CNTLN: variants seen among roughly 807,000 people sequenced by gnomAD.
The protein encoded by CNTLN is centlein, centrosomal protein.
CNTLN carries 212 observed loss-of-function variants against 180.0 expected under a neutral mutation model. The ratio of observed to expected loss-of-function variants is 1.18; its 90% CI spans 1.05 to 1.32. The LOEUF is 1.32. Ranked by LOEUF, CNTLN falls within the 40% of genes most tolerant of loss-of-function variation. The pLI, the probability that CNTLN is intolerant of heterozygous loss-of-function variation, is 0.00. For missense variants in CNTLN, 2,095 were observed against 1,610.9 expected (o/e 1.30, Z -5.14); for synonymous variants, 722 against 563.1 (o/e 1.28, Z -3.99).
intron 6 of CNTLN, among the ~76,000 whole-genome samples, chr9:17,290,320 C>T (rs527780479): frequency 1.8e-3 from 270 of 151,454 alleles, no homozygotes; most frequent in Middle Eastern, 0.01. Context: ...TTAGGCTGCT[C>T]GGGGGTCAGG....
intron 7 of CNTLN, chr9:17,299,397 TAC>T (rs1818191605): frequency 1.1e-6 from 1 of 931,898 alleles, no homozygotes; most frequent in Non-Finnish European, 1.3e-6. Flanking sequence ...GGTTAAATAA[TAC>T]ACAGTTCATA....
chr9:17,522,271 A>G, the CNTLN span, among the ~76,000 whole-genome samples: 28 of 152,252 alleles, frequency 1.8e-4, no homozygotes, highest in African/African-American at 6.5e-4. Flanking sequence ...TAGGTGCGTA[A>G]TGGGATGACT....
rs184486494 is a variant in CNTLN, at chr9:17,145,357, C to T, written c.449+1981C>T. On this transcript the variant is annotated intron_variant, in intron 2 of 25. Transcript: ENST00000380647. ...AATTTTATGACTATGTAAATACTTC[C>T]TAGAGAACCATGTAGTATGTTCACA... 5.5e-3 allele frequency among the ~76,000 whole-genome samples: 834 copies of T among 152,164 alleles called. 6 individuals are homozygous for T. The highest frequency in any genetic ancestry group is 8.0e-3 in the Admixed American group (123 of 15,294).
chr9:17,331,066 C>T (rs931098561), intron 9 of CNTLN, among the ~76,000 whole-genome samples: 6 of 151,822 alleles, frequency 4.0e-5, no homozygotes, highest in Admixed American at 2.0e-4. Context: ...AATTAACATT[C>T]TTATATTAAA....
chr9:17,158,672 G>C (rs1344366395), intron 2 of CNTLN, among the ~76,000 whole-genome samples: 1 of 151,930 alleles, frequency 6.6e-6, no homozygotes, highest in Non-Finnish European at 1.5e-5. Context: ...GTTGTTCATA[G>C]TATTCCTTAC....
chr9:17,298,383 A>C (rs1818102640), intron 7 of CNTLN, 31 bp downstream of exon 7: 1 of 1,547,876 alleles, frequency 6.5e-7, no homozygotes, highest in South Asian at 1.3e-5. Context: ...AAAGATGTAA[A>C]TGTTTATGTA....
chr9:17,228,543 C>T (rs933640413), intron 3 of CNTLN, among the ~76,000 whole-genome samples: 6 of 151,948 alleles, frequency 3.9e-5, no homozygotes, highest in Admixed American at 6.6e-5. Context: ...TTGCCTTTAA[C>T]GCTTTTTAAA....
chr9:17,273,825 G>A lies in CNTLN; in HGVS notation c.942G>A (p.Gln314=), dbSNP rs1191529332. The change falls in exon 6 of 26, where the codon CAG becomes CAA. Residue 314 remains glutamine, a synonymous_variant. Coordinates refer to ENST00000380647, the MANE Select transcript of CNTLN (RefSeq NM_017738.4). Reference sequence around the variant, plus strand: ...TATCATTACAGTTGAGTAATAAACAGACTGAACTTATCCAGAAGGATATGG... The same window carrying A: ...TATCATTACAGTTGAGTAATAAACAAACTGAACTTATCCAGAAGGATATGG... ...NALSLQLSNK[Q]TELIQKDMDI... 5 of 1,573,092 alleles carry A rather than the reference G, an allele frequency of 3.2e-6. No individual in the cohort carries two copies. The East Asian group carries it at 9.4e-5, about 30-fold the overall frequency.
At chr9:17,268,957 A>C (rs995098913) in intron 5 of CNTLN, among the ~76,000 whole-genome samples, 1 of 152,008 alleles carries the variant, frequency 6.6e-6, no homozygotes, top group Admixed American at 6.6e-5. Context: ...TTTGACTAGG[A>C]AAGGGAACTC....
At chr9:17,229,213 ATGT>A (rs1035427055) in intron 3 of CNTLN, among the ~76,000 whole-genome samples, 1 of 152,078 alleles carries the variant, frequency 6.6e-6, no homozygotes, top group Admixed American at 6.6e-5. Context: ...AAGAAGCAAA[ATGT>A]TGTCATTGTC....
intron 18 of CNTLN, among the ~76,000 whole-genome samples, chr9:17,422,186 T>C (rs971965738): frequency 1.3e-5 from 2 of 152,306 alleles, no homozygotes; most frequent in African/African-American, 4.8e-5. Flanking sequence ...AACGTTCTTT[T>C]CTTTAGCACT....
intron 18 of CNTLN, among the ~76,000 whole-genome samples, chr9:17,436,316 A>G (rs955398238): frequency 2.6e-5 from 4 of 152,242 alleles, no homozygotes; most frequent in Admixed American, 2.0e-4. Flanking sequence ...GTTTTGCTGC[A>G]GAAACTTTTT....
intron 8 of CNTLN, among the ~76,000 whole-genome samples, chr9:17,317,780 G>A (rs1819627232): frequency 6.6e-6 from 1 of 152,154 alleles, no homozygotes; most frequent in Non-Finnish European, 1.5e-5. Context: ...TGAAGCAGGA[G>A]CTTGCCTAGT....
At chr9:17,233,029 C>T (rs1824908995) in intron 3 of CNTLN, among the ~76,000 whole-genome samples, 1 of 151,926 alleles carries the variant, frequency 6.6e-6, no homozygotes, top group South Asian at 2.1e-4. Flanking sequence ...TTTGTACTTA[C>T]TGGATTTAAA....
Position 17,457,651 on chromosome 9 carries a change from T to C in CNTLN, c.3242T>C (p.Val1081Ala). The change falls in exon 19 of 26, where the codon GTT (valine) becomes GCT (alanine). Residue 1081 changes from valine (V) to alanine (A), a missense_variant. Transcript: ENST00000380647. ...CAGGTAACATTTCCACGGATACAAG[T>C]TACATCACTTAGTCCTTCAAGGAGC... Reference protein sequence around the residue: ...NSQVTFPRIQVTSLSPSRSMD... With the variant: ...NSQVTFPRIQATSLSPSRSMD... 6.5e-7 allele frequency: 1 copy of C among 1,545,350 alleles called. No homozygotes were observed. Among genetic ancestry groups the C allele is most frequent in the Admixed American group, 1.8e-5 (1 of 54,952 alleles).
chr9:17,235,312 T>A (rs892645310), intron 3 of CNTLN, among the ~76,000 whole-genome samples: 7 of 152,178 alleles, frequency 4.6e-5, no homozygotes, highest in Admixed American at 1.3e-4. Context: ...AATAAAAGAA[T>A]AAGGAATTAT....
chr9:17,330,234 G>A (rs1453074250), intron 8 of CNTLN, among the ~76,000 whole-genome samples: 1 of 151,930 alleles, frequency 6.6e-6, no homozygotes, highest in African/African-American at 2.4e-5. Context: ...CCTTTTCCCA[G>A]GTTTATATTC....
intron 2 of CNTLN, among the ~76,000 whole-genome samples, chr9:17,218,188 A>T (rs947823970): frequency 7.9e-5 from 12 of 152,210 alleles, no homozygotes; most frequent in Non-Finnish European, 1.2e-4. Context: ...TAAATATAAT[A>T]GTTCTAAATT....
At position 17,439,226 on chromosome 9, in the gene CNTLN, TA is replaced by T. The variant is rs1564107180; in HGVS notation, c.3115-18293del. ...TATCAGTACTTTTAAGTAATGCTGA[TA>T]AAAAGTCATTAAAGATATACATTAT... On this transcript the variant is annotated intron_variant, in intron 18 of 25. Coordinates refer to ENST00000380647, the MANE Select transcript of CNTLN (RefSeq NM_017738.4). Among the ~76,000 whole-genome samples, 8 of 152,236 alleles carry T rather than the reference TA, an allele frequency of 5.3e-5. No homozygotes were observed. In the South Asian group the frequency reaches 1.7e-3, roughly 32 times the overall value.
Sources: gnomAD v4.1 joint callset for allele counts (sites outside exome capture counted in the v4.1 genomes callset) on GRCh38, gnomAD v4.1.1 for gene constraint, MANE v1.5 for transcripts, NCBI Gene and HGNC (gene_info 2026-07-23, HGNC 2026-07-21) for gene names.